The following PRKD2 variants were observed in gnomAD, a reference collection of about 807,000 sequenced individuals.
PRKD2 encodes protein kinase D2.
A neutral mutation model predicts 86.0 loss-of-function variants in PRKD2; 22 were observed. The ratio of observed to expected loss-of-function variants is 0.26; its 90% CI spans 0.18 to 0.37. PRKD2 has a LOEUF of 0.37. Ranked by LOEUF, PRKD2 falls within the 10% of genes least tolerant of loss-of-function variation. The pLI is 1.00. For synonymous variants in PRKD2, 509 were observed against 510.9 expected (o/e 1.00, Z 0.05); for missense variants, 818 against 1,199.2 (o/e 0.68, Z 4.70).
intron 14 of PRKD2, chr19:46,685,478 C>G (rs1436791780): frequency 1.3e-5 from 2 of 152,168 alleles, no homozygotes; most frequent in Non-Finnish European, 2.9e-5. Flanking sequence ...GGGCTTAGCA[C>G]AGGGCTTAGG....
intron 3 of PRKD2, among the ~76,000 whole-genome samples, chr19:46,705,633 A>G (rs1003546646): frequency 6.6e-6 from 1 of 152,064 alleles, no homozygotes; most frequent in Non-Finnish European, 1.5e-5. Flanking sequence ...CTAAAAATAC[A>G]AAACTTAGCC....
At chr19:46,712,879 T>A (rs2053828306) in intron 2 of PRKD2, among the ~76,000 whole-genome samples, 1 of 152,234 alleles carries the variant, frequency 6.6e-6, no homozygotes, top group African/African-American at 2.4e-5. Context: ...AACTGGCTTC[T>A]GGCTGTGTCT....
At chr19:46,677,873 C>T (rs1040701262) in intron 16 of PRKD2, among the ~76,000 whole-genome samples, 8 of 152,204 alleles carry the variant, frequency 5.3e-5, no homozygotes, top group Non-Finnish European at 5.9e-5. Context: ...TGAACCGACC[C>T]CAGGCTTCAG....
Position 46,704,408 on chromosome 19 carries a change from T to G in PRKD2, c.667-17A>C, listed in dbSNP as rs1599836307. The G allele has an allele frequency of 6.2e-7, 1 of 1,613,834 alleles. No individual in the cohort carries two copies. The highest frequency in any genetic ancestry group is 8.5e-7 in the Non-Finnish European group (1 of 1,179,956). ...GCTACGGCTCTGTCGTTGGCAAGAA[T>G]GGAGGGGACACATCAGTGCGTTGGC... On this transcript the variant is annotated splice_polypyrimidine_tract_variant and intron_variant, in intron 4 of 17. Coordinates refer to ENST00000291281, the MANE Select transcript of PRKD2 (RefSeq NM_016457.5).
chr19:46,713,823 C>T, intron 2 of PRKD2, 40 bp downstream of exon 2: 6 of 1,390,720 alleles, frequency 4.3e-6, no homozygotes, highest in Non-Finnish European at 5.8e-6. Flanking sequence ...GCCCCGCCCC[C>T]ACCCGAGGCC....
At chr19:46,709,341 A>G in intron 3 of PRKD2, 1 of 170,392 alleles carries the variant, frequency 5.9e-6, no homozygotes, top group Non-Finnish European at 1.4e-5. Flanking sequence ...CTGGGAAGAG[A>G]AGGCCCCATG....
chr19:46,701,653 T>TTG (rs111858403), intron 5 of PRKD2, among the ~76,000 whole-genome samples: 5,261 of 147,814 alleles, frequency 0.036, 231 homozygotes, highest in African/African-American at 0.1. Context: ...CGCGCCCGAC[T>TTG]TGTGTGTGTG....
chr19:46,704,987 G>C (rs1481214427), intron 3 of PRKD2, among the ~76,000 whole-genome samples: 1 of 147,946 alleles, frequency 6.8e-6, no homozygotes, highest in Non-Finnish European at 1.5e-5. Flanking sequence ...TTGTAGCCCT[G>C]CCATCACCCC....
rs79300261 is a variant in PRKD2, at chr19:46,697,295, G to A, written c.1240-61C>T. 17 of 1,313,940 alleles carry A rather than the reference G, an allele frequency of 1.3e-5. No individual in the cohort carries two copies. The East Asian group carries it at 3.5e-4, about 27-fold the overall frequency. The allele number at this position is 1,313,940 out of a possible 1,614,324, so 81.4% of individuals were successfully genotyped here. On this transcript the variant is annotated intron_variant, in intron 8 of 17. Coordinates refer to ENST00000291281, the MANE Select transcript of PRKD2 (RefSeq NM_016457.5). The stretch of plus-strand genomic sequence containing the variant: ...GACTTTCCTGCCCAGTCCCTATCCC[G>A]TGGAGCTGCTTGGGGCTCCAGGTGC...
rs779171577 is a variant in PRKD2, at chr19:46,700,911, T to G, written c.1009A>C (p.Lys337Gln). The stretch of plus-strand genomic sequence containing the variant: ...TCTGACTCATCCATGAGGGCGCTCT[T>G]GTCAGCCTCGCTGAAATCGGTGGCC... ...EEATDFSEAD[K>Q]SALMDESEDS... Residue 337 changes from lysine (K) to glutamine (Q), a missense_variant, in exon 7 of 18, where the codon AAG becomes CAG. Transcript: ENST00000291281. 6.2e-7 allele frequency: 1 copy of G among 1,614,212 alleles called. No homozygotes were observed. The highest frequency in any genetic ancestry group is 8.5e-7 in the Non-Finnish European group (1 of 1,180,032).
chr19:46,699,998 G>A (rs1255145529), intron 7 of PRKD2, among the ~76,000 whole-genome samples: 3 of 151,958 alleles, frequency 2.0e-5, no homozygotes, highest in Non-Finnish European at 4.4e-5. Context: ...CACTTTGGGA[G>A]GCCGAGGCAG....
chr19:46,704,827 C>G (rs1290912504), intron 3 of PRKD2, among the ~76,000 whole-genome samples, 178 bp from the exon 4 acceptor site: 2 of 152,112 alleles, frequency 1.3e-5, no homozygotes. Context: ...TCAGGCCCAC[C>G]CCTCCTTAGA....
intron 8 of PRKD2, 94 bp from the exon 9 acceptor site, chr19:46,697,328 AC>A: frequency 1.1e-6 from 1 of 896,226 alleles, no homozygotes; most frequent in Non-Finnish European, 1.8e-6. Flanking sequence ...TGCCTGGAGC[AC>A]CACGTGCACG....
chr19:46,674,726 T>C lies in PRKD2; in HGVS notation c.2434A>G (p.Thr812Ala). Residue 812 changes from threonine (T) to alanine (A), a missense_variant, in exon 18 of 18, where the codon ACG becomes GCG. Thr to Ala is a moderately conservative substitution (Grantham distance 58). Transcript: ENST00000291281. The stretch of plus-strand genomic sequence containing the variant: ...TCCAGCTCTCGGAGGTCCAGCCACG[T>C]CTGGTACTCCTGGGCCCGAGAGAAC... ...LSHPWLQEYQ[T>A]WLDLRELEGK... 6.2e-7 allele frequency: 1 copy of C among 1,604,392 alleles called. No homozygotes were observed.
intron 1 of PRKD2, among the ~76,000 whole-genome samples, chr19:46,715,369 G>A (rs2053868556): frequency 6.6e-6 from 1 of 152,114 alleles, no homozygotes; most frequent in African/African-American, 2.4e-5. Flanking sequence ...GAACATGGGG[G>A]CAATTTAATT....
At chr19:46,697,678 C>T in intron 8 of PRKD2, 55 bp downstream of exon 8, 1 of 1,518,842 alleles carries the variant, frequency 6.6e-7, no homozygotes, top group Non-Finnish European at 9.1e-7. Flanking sequence ...TCAAGCTGAG[C>T]CGCCCCTCTT....
chr19:46,689,790 GAGA>G (rs1365383323), intron 13 of PRKD2, 92 bp from the exon 14 acceptor site: 1 of 1,448,992 alleles, frequency 6.9e-7, no homozygotes, highest in East Asian at 2.3e-5. Context: ...GACAAACAAG[GAGA>G]AGGATGTCCC....
intron 3 of PRKD2, among the ~76,000 whole-genome samples, chr19:46,707,733 A>G (rs567927254): frequency 1.3e-5 from 2 of 152,214 alleles, no homozygotes; most frequent in African/African-American, 2.4e-5. Flanking sequence ...AGAAGCATGA[A>G]TAACAGGGAC....
intron 10 of PRKD2, among the ~76,000 whole-genome samples, chr19:46,692,751 G>C (rs2053501666): frequency 6.6e-6 from 1 of 152,084 alleles, no homozygotes; most frequent in African/African-American, 2.4e-5. Flanking sequence ...TGGCCTCCTT[G>C]CTCGGCCTCA....
Sources: gnomAD v4.1 joint callset for allele counts (sites outside exome capture counted in the v4.1 genomes callset) on GRCh38, gnomAD v4.1.1 for gene constraint, MANE v1.5 for transcripts, NCBI Gene and HGNC (gene_info 2026-07-23, HGNC 2026-07-21) for gene names.